The following TENM3 variants were observed in gnomAD, a reference collection of about 807,000 sequenced individuals.
TENM3 encodes teneurin-3.
Under a neutral mutation model 255.1 loss-of-function variants are expected in TENM3, and 63 were observed. The ratio of observed to expected loss-of-function variants is 0.25; its 90% CI spans 0.20 to 0.30. The LOEUF (loss-of-function observed/expected upper bound fraction) is 0.30, where lower values mean the gene tolerates loss of function less well. Among genes scored for constraint, TENM3 ranks in the 10% least tolerant of loss-of-function variants. The pLI, the probability that TENM3 is intolerant of heterozygous loss-of-function variation, is 1.00. For missense variants in TENM3, 2,929 were observed against 3,461.1 expected (o/e 0.85, Z 3.86); for synonymous variants, 1,306 against 1,322.3 (o/e 0.99, Z 0.27).
chr4:181,622,530 G>A, the TENM3 span, among the ~76,000 whole-genome samples: 1 of 152,032 alleles, frequency 6.6e-6, no homozygotes, highest in Admixed American at 6.6e-5. Flanking sequence ...ACAAAAATTA[G>A]CCGAGTATGG....
the TENM3 span, among the ~76,000 whole-genome samples, chr4:181,814,612 A>G: frequency 8.2e-5 from 11 of 134,964 alleles, no homozygotes; most frequent in African/African-American, 2.0e-4. Context: ...GTGTGTGTGC[A>G]TGCAACAATT....
At chr4:182,319,505 G>A (rs73007732) in intron 1 of TENM3, among the ~76,000 whole-genome samples, 1,742 of 152,226 alleles carry the variant, frequency 0.011, 36 homozygotes, top group African/African-American at 0.04. Context: ...AAATTGCCTC[G>A]ATCTTTGATG....
chr4:181,630,280 A>G, the TENM3 span, among the ~76,000 whole-genome samples: 1 of 151,982 alleles, frequency 6.6e-6, no homozygotes, highest in African/African-American at 2.4e-5. Context: ...GATCTTTTCA[A>G]AAAACCAGCT....
At chr4:181,951,909 T>A in the TENM3 span, among the ~76,000 whole-genome samples, 1 of 152,220 alleles carries the variant, frequency 6.6e-6, no homozygotes, top group South Asian at 2.1e-4. Context: ...GAGTGGAAAT[T>A]GTTCTTTATA....
chr4:182,787,690 G>T (rs972125934), intron 24 of TENM3, among the ~76,000 whole-genome samples: 5 of 131,082 alleles, frequency 3.8e-5, no homozygotes, highest in African/African-American at 1.4e-4. Context: ...AGCCGAGATC[G>T]CACCACTGTA....
the TENM3 span, among the ~76,000 whole-genome samples, chr4:181,582,298 GA>G: frequency 1.2e-4 from 18 of 149,394 alleles, no homozygotes; most frequent in East Asian, 5.9e-4. Context: ...AGCAGGGAGA[GA>G]AAAAAAAAAT....
the TENM3 span, among the ~76,000 whole-genome samples, chr4:181,566,380 T>A: frequency 1.3e-5 from 2 of 152,214 alleles, no homozygotes; most frequent in Non-Finnish European, 2.9e-5. Flanking sequence ...CAATGTCTTC[T>A]AAATACATGT....
intron 1 of TENM3, among the ~76,000 whole-genome samples, chr4:182,185,186 A>G (rs565006333): frequency 2.1e-4 from 32 of 152,308 alleles, no homozygotes; most frequent in African/African-American, 7.7e-4. Context: ...TCTTAAAATC[A>G]TCTCATTTAC....
chr4:182,352,834 T>C (rs1765271633), intron 3 of TENM3, among the ~76,000 whole-genome samples: 1 of 152,070 alleles, frequency 6.6e-6, no homozygotes, highest in Admixed American at 6.6e-5. Context: ...TTTCCATCAA[T>C]CTCTAAAGAG....
chr4:182,360,376 C>G (rs1318529369), intron 3 of TENM3, among the ~76,000 whole-genome samples: 3 of 132,230 alleles, frequency 2.3e-5, no homozygotes, highest in Non-Finnish European at 3.2e-5. Flanking sequence ...GTAGGTCACT[C>G]AGGACTTGCT....
the TENM3 span, among the ~76,000 whole-genome samples, chr4:181,553,587 G>A: frequency 1.3e-4 from 20 of 151,850 alleles, no homozygotes; most frequent in Non-Finnish European, 2.1e-4. Flanking sequence ...GACTACGGGT[G>A]CCTGCCACCA....
the TENM3 span, among the ~76,000 whole-genome samples, chr4:181,751,152 T>C: frequency 2.0e-5 from 3 of 152,150 alleles, no homozygotes; most frequent in Non-Finnish European, 2.9e-5. Flanking sequence ...TATTAGCACT[T>C]ATTTTGTTAA....
At chr4:182,153,640 C>T (rs1750494797) in intron 1 of TENM3, among the ~76,000 whole-genome samples, 1 of 152,130 alleles carries the variant, frequency 6.6e-6, no homozygotes, top group South Asian at 2.1e-4. Context: ...AATGAGAGAT[C>T]TGAAGGAGAG....
intron 1 of TENM3, among the ~76,000 whole-genome samples, chr4:182,317,316 T>G (rs1762804182): frequency 6.6e-6 from 1 of 152,150 alleles, no homozygotes; most frequent in African/African-American, 2.4e-5. Flanking sequence ...GGGTGTTTTT[T>G]CGAGACAGGG....
the TENM3 span, among the ~76,000 whole-genome samples, chr4:181,997,429 A>T: frequency 1.3e-5 from 2 of 152,152 alleles, no homozygotes. Flanking sequence ...GTCAAGAGGA[A>T]GGTTTCTATT....
intron 1 of TENM3, among the ~76,000 whole-genome samples, chr4:182,300,353 TC>T (rs1354585887): frequency 6.6e-6 from 1 of 152,226 alleles, no homozygotes; most frequent in South Asian, 2.1e-4. Flanking sequence ...AATTGGTCTC[TC>T]AGGCCATACA....
intron 3 of TENM3, among the ~76,000 whole-genome samples, chr4:182,540,618 AT>A (rs1740778574): frequency 6.6e-6 from 1 of 152,184 alleles, no homozygotes; most frequent in Non-Finnish European, 1.5e-5. Flanking sequence ...AAAAATATTT[AT>A]CCAGTGAACC....
the TENM3 span, among the ~76,000 whole-genome samples, chr4:181,818,072 A>G: frequency 6.6e-6 from 1 of 152,082 alleles, no homozygotes; most frequent in Non-Finnish European, 1.5e-5. Flanking sequence ...TTACTAGGGG[A>G]CCCACATTGT....
upstream of TENM3, among the ~76,000 whole-genome samples, chr4:182,139,226 C>A (rs578034000): frequency 6.6e-6 from 1 of 152,206 alleles, no homozygotes; most frequent in East Asian, 1.9e-4. Flanking sequence ...GCACTGCCAA[C>A]GGGAGGAGAG....
Sources: gnomAD v4.1 joint callset for allele counts (sites outside exome capture counted in the v4.1 genomes callset) on GRCh38, gnomAD v4.1.1 for gene constraint, MANE v1.5 for transcripts, NCBI Gene and HGNC (gene_info 2026-07-23, HGNC 2026-07-21) for gene names.